PTPRN2: variants seen among roughly 807,000 people sequenced by gnomAD.
PTPRN2 encodes the protein receptor-type tyrosine-protein phosphatase N2.
In PTPRN2, 74 loss-of-function variants were observed where a neutral mutation model predicts 118.8. That is an observed-to-expected ratio of 0.62 (90% confidence interval 0.52 to 0.76). PTPRN2 has a LOEUF of 0.76. Among genes scored for constraint, PTPRN2 ranks in the 30% least tolerant of loss-of-function variants. PTPRN2 has a pLI of 0.00. For synonymous variants in PTPRN2, 641 were observed against 608.0 expected (o/e 1.05, Z -0.80); for missense variants, 1,481 against 1,394.4 (o/e 1.06, Z -0.99).
intron 14 of PTPRN2, among the ~76,000 whole-genome samples, chr7:157,642,843 A>AAAAAAAC: frequency 6.9e-6 from 1 of 143,952 alleles, no homozygotes; most frequent in Non-Finnish European, 1.5e-5. Flanking sequence ...AAAAAAAAAA[A>AAAAAAAC]AGCAGCTAAA....
chr7:158,428,461 G>A (rs189300084), intron 2 of PTPRN2, among the ~76,000 whole-genome samples: 10 of 152,300 alleles, frequency 6.6e-5, no homozygotes, highest in Admixed American at 5.2e-4. Flanking sequence ...GTAACCCACC[G>A]ATCTGAGGAA....
At chr7:158,342,427 C>G (rs201594881) in intron 2 of PTPRN2, among the ~76,000 whole-genome samples, 1 of 51,940 alleles carries the variant, frequency 1.9e-5, no homozygotes, top group African/African-American at 7.4e-5. Flanking sequence ...ACCATAAGAG[C>G]TGACACCTGC....
At chr7:158,550,721 T>A (rs1261706300) in intron 1 of PTPRN2, among the ~76,000 whole-genome samples, 3 of 152,240 alleles carry the variant, frequency 2.0e-5, no homozygotes, top group African/African-American at 4.8e-5. Flanking sequence ...CAATGTCTAA[T>A]CTATTTCTCT....
intron 11 of PTPRN2, among the ~76,000 whole-genome samples, chr7:158,057,798 T>G (rs1809911836): frequency 6.6e-6 from 1 of 152,242 alleles, no homozygotes; most frequent in Non-Finnish European, 1.5e-5. Flanking sequence ...CATGTTCATG[T>G]GCACAAGGTC....
intron 15 of PTPRN2, among the ~76,000 whole-genome samples, chr7:157,605,063 G>A (rs907644523): frequency 2.0e-5 from 3 of 152,234 alleles, no homozygotes; most frequent in African/African-American, 7.2e-5. Context: ...GTGGCCGGTG[G>A]CGCCTTTGCC....
At chr7:157,735,584 G>A (rs1800249896) in intron 12 of PTPRN2, among the ~76,000 whole-genome samples, 1 of 152,158 alleles carries the variant, frequency 6.6e-6, no homozygotes, top group African/African-American at 2.4e-5. Flanking sequence ...AGGCAGCTGG[G>A]GCTAAAATAA....
chr7:158,000,678 T>G (rs3889957), intron 11 of PTPRN2, among the ~76,000 whole-genome samples: 1 of 7,858 alleles, frequency 1.3e-4, no homozygotes, highest in Admixed American at 1.6e-3. Flanking sequence ...GCAGGTGGGG[T>G]GCAGGGTGGG....
chr7:157,935,902 T>G (rs953580721), intron 11 of PTPRN2, among the ~76,000 whole-genome samples: 2 of 146,050 alleles, frequency 1.4e-5, no homozygotes, highest in Non-Finnish European at 3.0e-5. Context: ...TCTGTGTCGC[T>G]CCCTCAGGGG....
intron 12 of PTPRN2, among the ~76,000 whole-genome samples, chr7:157,709,143 G>A (rs1585279153): frequency 6.6e-6 from 1 of 152,340 alleles, no homozygotes; most frequent in African/African-American, 2.4e-5. Context: ...GGGCTGTGCT[G>A]CCCATGGCTG....
chr7:158,195,370 T>A (rs547570643), intron 4 of PTPRN2, among the ~76,000 whole-genome samples: 18 of 152,340 alleles, frequency 1.2e-4, no homozygotes, highest in African/African-American at 4.1e-4. Flanking sequence ...TTCCTCTGGC[T>A]GCTTTTAAGG....
intron 11 of PTPRN2, among the ~76,000 whole-genome samples, chr7:157,923,618 C>T (rs1798812429): frequency 6.6e-6 from 1 of 152,168 alleles, no homozygotes; most frequent in Admixed American, 6.5e-5. Flanking sequence ...CCATTGATGG[C>T]TTCCATCCCA....
chr7:158,563,763 C>CT lies in PTPRN2; in HGVS notation c.112+23794dup, dbSNP rs1441230306. Among the ~76,000 whole-genome samples the CT allele has an allele frequency of 6.6e-6, 1 of 152,268 alleles. No homozygotes were observed. The highest frequency in any genetic ancestry group is 1.5e-5 in the Non-Finnish European group (1 of 68,052). On this transcript the variant is annotated intron_variant, in intron 1 of 22. Transcript: ENST00000389418. The surrounding 1 kb of genome is among the most constrained non-coding windows in gnomAD (Gnocchi z 5.1). ...AGGGGCACAGTCTCCCTCCCTTCCC[C>CT]TTATCCCTCAGATTGTGAAGAAACA...
chr7:158,435,321 T>C (rs528859353), intron 2 of PTPRN2, among the ~76,000 whole-genome samples: 5 of 152,000 alleles, frequency 3.3e-5, no homozygotes, highest in African/African-American at 1.2e-4. Flanking sequence ...CAAGAAGAAA[T>C]ACAAATGGAC....
intron 3 of PTPRN2, among the ~76,000 whole-genome samples, chr7:158,271,752 T>G (rs754049367): frequency 4.7e-4 from 72 of 152,262 alleles, no homozygotes; most frequent in Non-Finnish European, 8.5e-4. Context: ...CACTTTTTGG[T>G]TGGGCCTTCC....
intron 1 of PTPRN2, among the ~76,000 whole-genome samples, chr7:158,511,487 G>T (rs1823175468): frequency 6.6e-6 from 1 of 152,172 alleles, no homozygotes; most frequent in Non-Finnish European, 1.5e-5. Context: ...GTAGAACAAA[G>T]AACAAGGGTC....
chr7:158,524,094 T>C (rs1333652735), intron 1 of PTPRN2, among the ~76,000 whole-genome samples: 2 of 66,882 alleles, frequency 3.0e-5, no homozygotes, highest in Non-Finnish European at 2.8e-5. Flanking sequence ...TACCCTGGAG[T>C]GGAGTCGTCT....
chr7:157,574,875 A>G (rs895847633), intron 19 of PTPRN2, among the ~76,000 whole-genome samples: 2 of 152,230 alleles, frequency 1.3e-5, no homozygotes, highest in African/African-American at 4.8e-5. Flanking sequence ...ATAACACATG[A>G]AAGGTGGCCT....
chr7:158,008,138 C>G (rs1352394227), intron 11 of PTPRN2, among the ~76,000 whole-genome samples: 1 of 55,276 alleles, frequency 1.8e-5, no homozygotes, highest in Non-Finnish European at 4.4e-5. Context: ...TACATGTACA[C>G]ATGTGTGAGT....
At chr7:158,001,042 TG>T (rs1292587943) in intron 11 of PTPRN2, among the ~76,000 whole-genome samples, 5 of 420 alleles carry the variant, frequency 0.012, 2 homozygotes, top group Non-Finnish European at 0.032. Flanking sequence ...GGGTGCATGG[TG>T]GGGGCTGGGG....
Sources: gnomAD v4.1 joint callset for allele counts (sites outside exome capture counted in the v4.1 genomes callset) on GRCh38, gnomAD v4.1.1 for gene constraint, Gnocchi (gnomAD v3.1) non-coding constraint, MANE v1.5 for transcripts, NCBI Gene and HGNC (gene_info 2026-07-23, HGNC 2026-07-21) for gene names.